Variants in MAP4K5 observed in about 807,000 individuals in gnomAD.
MAP4K5 encodes the protein MAPK/ERK kinase kinase kinase 5.
In MAP4K5, 82 loss-of-function variants were observed where a neutral mutation model predicts 135.6. That is an observed-to-expected ratio of 0.60 (90% confidence interval 0.51 to 0.73). The LOEUF (loss-of-function observed/expected upper bound fraction) is 0.73, where lower values mean the gene tolerates loss of function less well. Among genes scored for constraint, MAP4K5 ranks in the 30% least tolerant of loss-of-function variants. The probability of loss-of-function intolerance (pLI) is 0.00; values close to 1 mark genes in which losing one functional copy is unlikely to be tolerated. For missense variants in MAP4K5, 907 were observed against 1,010.9 expected (o/e 0.90, Z 1.39); for synonymous variants, 347 against 335.0 (o/e 1.04, Z -0.39).
intron 32 of MAP4K5, among the ~76,000 whole-genome samples, chr14:50,422,690 AAG>A (rs1390579009): frequency 6.6e-6 from 1 of 152,190 alleles, no homozygotes; most frequent in Non-Finnish European, 1.5e-5. Flanking sequence ...TTGGGGTAAA[AAG>A]AGACCATATA....
At chr14:50,533,727 T>G (rs1054879405), upstream of MAP4K5, among the ~76,000 whole-genome samples, 1 of 152,234 alleles carries the variant, frequency 6.6e-6, no homozygotes. Context: ...GAACATCCAA[T>G]TTTTAATTCT....
chr14:50,453,884 T>C (rs914572593), intron 14 of MAP4K5, among the ~76,000 whole-genome samples: 1 of 152,166 alleles, frequency 6.6e-6, no homozygotes, highest in African/African-American at 2.4e-5. Flanking sequence ...AGGGAGTCAG[T>C]AAACCTGACT....
chr14:50,456,088 A>C (rs947837625), intron 14 of MAP4K5, among the ~76,000 whole-genome samples: 11 of 152,180 alleles, frequency 7.2e-5, no homozygotes, highest in African/African-American at 2.7e-4. Context: ...TGCAATCGCT[A>C]AACAGAATGG....
At chr14:50,456,471 C>T in intron 14 of MAP4K5, 45 bp downstream of exon 14, 1 of 1,373,128 alleles carries the variant, frequency 7.3e-7, no homozygotes, top group Non-Finnish European at 1.0e-6. Context: ...ACACGCAGCA[C>T]AACCCTCCAA....
chr14:50,505,059 CA>C, intron 2 of MAP4K5: 1 of 424,996 alleles, frequency 2.4e-6, no homozygotes, highest in Non-Finnish European at 4.1e-6. Context: ...AAAAAATTAC[CA>C]ATAGTCCCAC....
At chr14:50,526,434 T>G (rs2038266859) in intron 2 of MAP4K5, among the ~76,000 whole-genome samples, 1 of 152,194 alleles carries the variant, frequency 6.6e-6, no homozygotes, top group Non-Finnish European at 1.5e-5. Context: ...TAGCTGGGAT[T>G]ATAGGCACCT....
At chr14:50,533,365 A>C (rs1160376577), upstream of MAP4K5, 5 of 152,158 alleles carry the variant, frequency 3.3e-5, no homozygotes, top group Non-Finnish European at 7.4e-5. Context: ...CAGCTTGAAG[A>C]GGGTAAGATT....
intron 14 of MAP4K5, among the ~76,000 whole-genome samples, chr14:50,452,680 G>C (rs1303455832): frequency 6.6e-6 from 1 of 152,114 alleles, no homozygotes; most frequent in Non-Finnish European, 1.5e-5. Flanking sequence ...AATAACTAAT[G>C]CAACAGTAAA....
At chr14:50,524,981 A>G (rs1339228148) in intron 2 of MAP4K5, among the ~76,000 whole-genome samples, 1 of 152,138 alleles carries the variant, frequency 6.6e-6, no homozygotes, top group Non-Finnish European at 1.5e-5. Context: ...GAACTTCCTC[A>G]TACCGCTTTG....
intron 11 of MAP4K5, 90 bp downstream of exon 11, chr14:50,466,493 C>T: frequency 3.3e-6 from 2 of 599,176 alleles, no homozygotes; most frequent in Non-Finnish European, 6.0e-6. Flanking sequence ...TGTCTATGGA[C>T]TTCTGTTTAA....
At chr14:50,513,413 C>T (rs991981029) in intron 2 of MAP4K5, among the ~76,000 whole-genome samples, 16 of 152,050 alleles carry the variant, frequency 1.1e-4, no homozygotes, top group African/African-American at 3.1e-4. Context: ...GTTTTGTAAA[C>T]TATGAACTCT....
intron 2 of MAP4K5, among the ~76,000 whole-genome samples, chr14:50,531,306 AT>A (rs1391537011): frequency 6.6e-6 from 1 of 152,254 alleles, no homozygotes; most frequent in Non-Finnish European, 1.5e-5. Flanking sequence ...ACTCTTGGTT[AT>A]AGGATGTTAT....
At chr14:50,429,164 T>C (rs2035915534) in intron 29 of MAP4K5, 28 bp downstream of exon 29, 3 of 1,343,976 alleles carry the variant, frequency 2.2e-6, no homozygotes, top group Non-Finnish European at 3.1e-6. Context: ...AGTAGTATAC[T>C]CAAAATAAAA....
chr14:50,501,410 C>T (rs1185246450), intron 3 of MAP4K5, among the ~76,000 whole-genome samples: 1 of 151,784 alleles, frequency 6.6e-6, no homozygotes, highest in Non-Finnish European at 1.5e-5. Flanking sequence ...AAGAAACCCC[C>T]AGCTATAATT....
chr14:50,428,664 A>T lies in MAP4K5; in HGVS notation c.2324T>A (p.Val775Glu). 1 of 1,491,244 alleles carries T rather than the reference A, an allele frequency of 6.7e-7. No individual in the cohort carries two copies. Among genetic ancestry groups the T allele is most frequent in the Non-Finnish European group, 9.0e-7 (1 of 1,113,878 alleles). The allele number at this position is 1,491,244 out of a possible 1,614,324, so 92.4% of individuals were successfully genotyped here. A position where few individuals can be genotyped will look rare whatever the true frequency, so the allele number is the denominator to read the frequency against. The change falls in exon 30 of 33, where the codon GTA becomes GAA. Residue 775 changes from valine (V) to glutamate (E), a missense_variant and splice_region_variant. Physicochemically the swap from Val to Glu is moderately radical, Grantham distance 121. Transcript: ENST00000682126. ...TTTATGAAAAAAAGGAAACTTACCTACAGATTCAATGCGAAAATCAAAACT... is the reference window on the plus strand; with the variant it reads ...TTTATGAAAAAAAGGAAACTTACCTTCAGATTCAATGCGAAAATCAAAACT... Reference protein sequence around the residue: ...ELSFDFRIESVVCLQDSVLAF... With the variant: ...ELSFDFRIESEVCLQDSVLAF...
chr14:50,508,732 C>G (rs1233442523), intron 2 of MAP4K5, among the ~76,000 whole-genome samples: 1 of 150,698 alleles, frequency 6.6e-6, no homozygotes, highest in African/African-American at 2.4e-5. Flanking sequence ...AAGGCAACAA[C>G]AGATGCTGGT....
intron 25 of MAP4K5, 147 bp downstream of exon 25, chr14:50,437,747 C>A (rs1339810332): frequency 3.0e-6 from 2 of 662,866 alleles, no homozygotes; most frequent in Non-Finnish European, 5.1e-6. Context: ...GTTCAGAAAA[C>A]GTTCAGCTTT....
chr14:50,443,403 TG>T (rs1449107807), intron 20 of MAP4K5, among the ~76,000 whole-genome samples: 1 of 152,118 alleles, frequency 6.6e-6, no homozygotes, highest in African/African-American at 2.4e-5. Flanking sequence ...TATAGTCCAA[TG>T]TGAAAATCAC....
intron 2 of MAP4K5, among the ~76,000 whole-genome samples, chr14:50,522,679 ACT>A (rs1436882473): frequency 6.6e-6 from 1 of 152,084 alleles, no homozygotes; most frequent in Non-Finnish European, 1.5e-5. Context: ...CAAGTTATTC[ACT>A]CTCTCACTCA....
Sources: gnomAD v4.1 joint callset for allele counts (sites outside exome capture counted in the v4.1 genomes callset) on GRCh38, gnomAD v4.1.1 for gene constraint, MANE v1.5 for transcripts, NCBI Gene and HGNC (gene_info 2026-07-23, HGNC 2026-07-21) for gene names.